CABCOCO1: variants seen among roughly 807,000 people sequenced by gnomAD.
CABCOCO1 encodes ciliary-associated calcium-binding coiled-coil protein 1.
In CABCOCO1, 28 loss-of-function variants were observed where a neutral mutation model predicts 35.7. The ratio of observed to expected loss-of-function variants is 0.78; its 90% CI spans 0.58 to 1.07. CABCOCO1 has a LOEUF of 1.07. Ranked by LOEUF, CABCOCO1 falls within the 50% of genes least tolerant of loss-of-function variation. The probability of loss-of-function intolerance (pLI) is 0.00; values close to 1 mark genes in which losing one functional copy is unlikely to be tolerated. For missense variants in CABCOCO1, 326 were observed against 309.2 expected (o/e 1.05, Z -0.41); for synonymous variants, 95 against 100.1 (o/e 0.95, Z 0.30).
At chr10:61,669,181 A>C (rs936488803) in intron 1 of CABCOCO1, among the ~76,000 whole-genome samples, 3 of 151,956 alleles carry the variant, frequency 2.0e-5, no homozygotes, top group Admixed American at 6.5e-5. Context: ...CCAGTGATGG[A>C]TACAAAGATG....
At chr10:61,704,601 C>T (rs1361476306) in intron 5 of CABCOCO1, among the ~76,000 whole-genome samples, 1 of 152,196 alleles carries the variant, frequency 6.6e-6, no homozygotes, top group African/African-American at 2.4e-5. Context: ...ATGAAAGACC[C>T]TGAGCAAGTA....
At chr10:61,709,087 A>C (rs1185421363) in intron 5 of CABCOCO1, among the ~76,000 whole-genome samples, 1 of 152,172 alleles carries the variant, frequency 6.6e-6, no homozygotes, top group African/African-American at 2.4e-5. Context: ...CCCACTTCTG[A>C]AAGTTATTTC....
At position 61,738,118 on chromosome 10, in the gene CABCOCO1, G is replaced by A. The variant is rs1283378891; in HGVS notation, c.553-21941G>A. Among the ~76,000 whole-genome samples, 4 of 151,122 alleles carry A rather than the reference G, an allele frequency of 2.6e-5. No homozygotes were observed. In the East Asian group the frequency reaches 7.8e-4, roughly 29 times the overall value. On this transcript the variant is annotated intron_variant, in intron 5 of 7. Transcript: ENST00000648843. The stretch of plus-strand genomic sequence containing the variant: ...TCTAATTCAATAGGTCTGGGGTAGG[G>A]CTTGGCATCTCTAGTTTTTAAATGC...
chr10:61,761,108 C>T (rs1842000522), intron 7 of CABCOCO1, 105 bp downstream of exon 7: 2 of 1,217,538 alleles, frequency 1.6e-6, no homozygotes, highest in East Asian at 2.5e-5. Flanking sequence ...ATGAGCGATG[C>T]TTATGACGAA....
intron 6 of CABCOCO1, 150 bp downstream of exon 6, chr10:61,760,331 T>G (rs1214898548): frequency 9.0e-7 from 1 of 1,110,442 alleles, no homozygotes; most frequent in Non-Finnish European, 1.3e-6. Flanking sequence ...GATTCAAAGA[T>G]GAGTCCGCTG....
At chr10:61,730,966 G>A (rs920982056) in intron 5 of CABCOCO1, among the ~76,000 whole-genome samples, 107 of 151,712 alleles carry the variant, frequency 7.1e-4, no homozygotes, top group African/African-American at 2.5e-3. Context: ...TAAATCGAAA[G>A]AGACTAAAGG....
chr10:61,763,116 T>C (rs577262493), intron 7 of CABCOCO1, among the ~76,000 whole-genome samples: 2 of 152,196 alleles, frequency 1.3e-5, no homozygotes, highest in Admixed American at 1.3e-4. Context: ...ACTCGTAAGA[T>C]GTTTTAAATT....
chr10:61,671,319 C>T (rs1362440577), intron 1 of CABCOCO1, among the ~76,000 whole-genome samples: 2 of 149,628 alleles, frequency 1.3e-5, no homozygotes, highest in Non-Finnish European at 1.5e-5. Flanking sequence ...AGTGAGGCTC[C>T]GTCTCAAAAA....
chr10:61,670,416 A>G (rs1222931174), intron 1 of CABCOCO1, among the ~76,000 whole-genome samples: 2 of 152,022 alleles, frequency 1.3e-5, no homozygotes, highest in East Asian at 3.8e-4. Context: ...TAATTGGCCC[A>G]CCGTAGCTTA....
At chr10:61,728,685 T>C (rs926061523) in intron 5 of CABCOCO1, among the ~76,000 whole-genome samples, 1 of 152,154 alleles carries the variant, frequency 6.6e-6, no homozygotes, top group African/African-American at 2.4e-5. Flanking sequence ...TTCAGAAATT[T>C]TGACCAAGCT....
chr10:61,680,728 TATATATA>T (rs1657169611), intron 2 of CABCOCO1, among the ~76,000 whole-genome samples: 1 of 105,312 alleles, frequency 9.5e-6, no homozygotes, highest in Non-Finnish European at 1.8e-5. Context: ...ATATATATTA[TATATATA>T]ATATATATAT....
rs1226003949 is a variant in CABCOCO1 at position 61,702,787 on chromosome 10, A to G, written c.552+12166A>G. Among the ~76,000 whole-genome samples, 3 of 152,290 alleles carry G rather than the reference A, an allele frequency of 2.0e-5. No individual in the cohort carries two copies. The East Asian group carries it at 5.8e-4, about 29-fold the overall frequency. On this transcript the variant is annotated intron_variant, in intron 5 of 7. Coordinates refer to ENST00000648843, the MANE Select transcript of CABCOCO1 (RefSeq NM_001366906.2). ...CATGAAAGCATGCAAGTGAAGAGTC[A>G]ATTAAGAAAGAATAAACATGCTTAG...
At chr10:61,738,042 A>T (rs1841463707) in intron 5 of CABCOCO1, among the ~76,000 whole-genome samples, 1 of 149,330 alleles carries the variant, frequency 6.7e-6, no homozygotes, top group Non-Finnish European at 1.5e-5. Context: ...ACAATAAATA[A>T]AATATCTTAT....
intron 1 of CABCOCO1, among the ~76,000 whole-genome samples, chr10:61,664,676 T>G (rs563533964): frequency 6.6e-6 from 1 of 152,352 alleles, no homozygotes; most frequent in Non-Finnish European, 1.5e-5. Flanking sequence ...TTTACTAAGA[T>G]GACACGCTAA....
chr10:61,744,287 A>G (rs927377065), intron 5 of CABCOCO1, among the ~76,000 whole-genome samples: 4 of 152,196 alleles, frequency 2.6e-5, no homozygotes, highest in African/African-American at 9.6e-5. Flanking sequence ...TGAAATTTCC[A>G]AAGTATAACA....
chr10:61,674,004 CT>C (rs1344243685), intron 2 of CABCOCO1, among the ~76,000 whole-genome samples: 3 of 152,188 alleles, frequency 2.0e-5, no homozygotes, highest in South Asian at 4.2e-4. Context: ...GTATTTGATA[CT>C]AGGCAAAATA....
rs914449496 is a variant in CABCOCO1 at position 61,662,969 on chromosome 10, G to C, written c.-4G>C. 4 of 396,210 alleles carry C rather than the reference G, an allele frequency of 1.0e-5. No homozygotes were observed. Among genetic ancestry groups the C allele is most frequent in the African/African-American group, 6.6e-5 (3 of 45,282 alleles). The allele number at this position is 396,210 out of a possible 1,614,324, so 24.5% of individuals were successfully genotyped here. A position where few individuals can be genotyped will look rare whatever the true frequency, so the allele number is the denominator to read the frequency against. On this transcript the variant is annotated 5_prime_UTR_variant, in exon 1 of 8. Coordinates refer to ENST00000648843, the MANE Select transcript of CABCOCO1 (RefSeq NM_001366906.2). ...GGCCGCTTCTCTCGGCCGAGATTGC[G>C]GCGATGTCGCAGGGGACGACTCCCT...
chr10:61,746,663 G>A (rs1158256130), intron 5 of CABCOCO1, among the ~76,000 whole-genome samples: 1 of 152,090 alleles, frequency 6.6e-6, no homozygotes, highest in Non-Finnish European at 1.5e-5. Flanking sequence ...TAATGGCTCT[G>A]TCTGATTCTG....
At chr10:61,696,862 G>A (rs1373757915) in intron 5 of CABCOCO1, among the ~76,000 whole-genome samples, 1 of 151,844 alleles carries the variant, frequency 6.6e-6, no homozygotes, top group Non-Finnish European at 1.5e-5. Context: ...AGGCAAACAA[G>A]GCAACGGAAA....
Sources: gnomAD v4.1 joint callset for allele counts (sites outside exome capture counted in the v4.1 genomes callset) on GRCh38, gnomAD v4.1.1 for gene constraint, MANE v1.5 for transcripts, NCBI Gene and HGNC (gene_info 2026-07-23, HGNC 2026-07-21) for gene names.